Variants in RANBP2 observed in about 807,000 individuals in gnomAD.
The protein encoded by RANBP2 is RAN binding protein 2.
In RANBP2, 57 loss-of-function variants were observed where a neutral mutation model predicts 303.6. The observed-to-expected ratio is 0.19, with a 90% CI of 0.15 to 0.23. The LOEUF is 0.23. Among genes scored for constraint, RANBP2 ranks in the 10% least tolerant of loss-of-function variants. The probability of loss-of-function intolerance (pLI) is 1.00; values close to 1 mark genes in which losing one functional copy is unlikely to be tolerated. For missense variants in RANBP2, 3,138 were observed against 3,780.8 expected, an observed-to-expected ratio of 0.83 and a Z score of 4.46; for synonymous variants, 1,167 against 1,301.5, an observed-to-expected ratio of 0.90 and a Z score of 2.23.
the RANBP2 span, among the ~76,000 whole-genome samples, chr2:109,389,861 GCCTGGGCTGTGGCTGGGCCGGC>G: frequency 6.6e-6 from 1 of 152,190 alleles, no homozygotes; most frequent in African/African-American, 2.4e-5. Context: ...GAGCCCACCT[GCCTGGGCTGTGGCTGGGCCGGC>G]CCTGGGAGCT....
chr2:109,318,623 G>A, the RANBP2 span, among the ~76,000 whole-genome samples: 1 of 152,158 alleles, frequency 6.6e-6, no homozygotes, highest in African/African-American at 2.4e-5. Flanking sequence ...CTCACACTGG[G>A]GGCAGCATTT....
At chr2:109,127,048 C>T in the RANBP2 span, among the ~76,000 whole-genome samples, 1 of 152,168 alleles carries the variant, frequency 6.6e-6, no homozygotes, top group Non-Finnish European at 1.5e-5. Flanking sequence ...TGTGCCCTTC[C>T]TTCGGCCCTC....
the RANBP2 span, among the ~76,000 whole-genome samples, chr2:108,795,365 A>C: frequency 3.3e-5 from 5 of 152,050 alleles, no homozygotes; most frequent in African/African-American, 1.2e-4. Context: ...CATGTTGGCT[A>C]GGCTGGTCTT....
the RANBP2 span, among the ~76,000 whole-genome samples, chr2:109,312,225 C>A: frequency 6.6e-6 from 1 of 152,154 alleles, no homozygotes; most frequent in African/African-American, 2.4e-5. Flanking sequence ...ACAAAACACA[C>A]AAGGCCAGAG....
At chr2:109,642,757 T>C in the RANBP2 span, among the ~76,000 whole-genome samples, 37 of 152,220 alleles carry the variant, frequency 2.4e-4, no homozygotes, top group Admixed American at 5.2e-4. Flanking sequence ...TTTTTTAAGA[T>C]TGGAAGTGTT....
the RANBP2 span, among the ~76,000 whole-genome samples, chr2:109,448,070 C>G: frequency 6.6e-6 from 1 of 152,134 alleles, no homozygotes; most frequent in African/African-American, 2.4e-5. Context: ...ATGCTCAGCC[C>G]TCACTCTTGC....
the RANBP2 span, among the ~76,000 whole-genome samples, chr2:109,652,070 G>C: frequency 6.6e-6 from 1 of 152,204 alleles, no homozygotes; most frequent in Non-Finnish European, 1.5e-5. Flanking sequence ...GTGTGTGGCA[G>C]CTGCACGGTA....
chr2:109,714,788 T>A, the RANBP2 span, among the ~76,000 whole-genome samples: 1 of 151,882 alleles, frequency 6.6e-6, no homozygotes, highest in East Asian at 1.9e-4. Context: ...TATTGTAGTT[T>A]TAGCAGAGAC....
chr2:109,143,661 G>A, the RANBP2 span, among the ~76,000 whole-genome samples: 1 of 152,200 alleles, frequency 6.6e-6, no homozygotes, highest in Admixed American at 6.5e-5. Flanking sequence ...GGCTGAGGTA[G>A]GAGGATTTCT....
At chr2:109,118,979 G>C in the RANBP2 span, among the ~76,000 whole-genome samples, 1 of 152,166 alleles carries the variant, frequency 6.6e-6, no homozygotes, top group African/African-American at 2.4e-5. Context: ...GTTGAATGAG[G>C]GAAGTTTTAA....
the RANBP2 span, among the ~76,000 whole-genome samples, chr2:109,486,291 G>A: frequency 6.6e-6 from 1 of 152,096 alleles, no homozygotes; most frequent in Non-Finnish European, 1.5e-5. Flanking sequence ...CTTTGGGGGT[G>A]GGGCCCACAT....
At chr2:109,172,870 G>A in the RANBP2 span, among the ~76,000 whole-genome samples, 1 of 152,216 alleles carries the variant, frequency 6.6e-6, no homozygotes, top group East Asian at 1.9e-4. Context: ...GCTGAGTCCA[G>A]TATTTCTCTT....
the RANBP2 span, among the ~76,000 whole-genome samples, chr2:109,240,559 C>T: frequency 3.9e-5 from 6 of 152,154 alleles, no homozygotes; most frequent in South Asian, 2.1e-4. Context: ...GTAGCAGAGT[C>T]CCCTGGTGTG....
chr2:108,947,111 A>C, the RANBP2 span, among the ~76,000 whole-genome samples: 1 of 152,352 alleles, frequency 6.6e-6, no homozygotes, highest in African/African-American at 2.4e-5. Context: ...AAATTGGCCA[A>C]AACAAAGGGG....
chr2:109,122,144 C>T, the RANBP2 span, among the ~76,000 whole-genome samples: 6 of 152,162 alleles, frequency 3.9e-5, no homozygotes, highest in Non-Finnish European at 5.9e-5. Context: ...GGAGGGAACA[C>T]GCTTTTGTTG....
At chr2:109,247,964 C>T in the RANBP2 span, among the ~76,000 whole-genome samples, 1 of 152,132 alleles carries the variant, frequency 6.6e-6, no homozygotes, top group Non-Finnish European at 1.5e-5. Flanking sequence ...TTTTAAACCT[C>T]CATCTGCATC....
the RANBP2 span, among the ~76,000 whole-genome samples, chr2:108,806,701 G>A: frequency 6.6e-6 from 1 of 152,146 alleles, no homozygotes; most frequent in Non-Finnish European, 1.5e-5. Flanking sequence ...GCCAGCTCCT[G>A]GCTAGATGAA....
the RANBP2 span, among the ~76,000 whole-genome samples, chr2:109,640,659 C>T: frequency 2.0e-4 from 30 of 152,210 alleles, no homozygotes; most frequent in East Asian, 3.9e-3. Flanking sequence ...TTCTCAGCTC[C>T]GGACAGTGCC....
the RANBP2 span, among the ~76,000 whole-genome samples, chr2:109,478,884 G>A: frequency 6.6e-6 from 1 of 152,192 alleles, no homozygotes; most frequent in Non-Finnish European, 1.5e-5. Flanking sequence ...GTTTCTTTGT[G>A]AAACTCAGGG....
Sources: allele counts gnomAD v4.1 joint callset (sites outside exome capture counted in the v4.1 genomes callset), GRCh38; gene constraint gnomAD v4.1.1; transcripts MANE v1.5; gene names NCBI Gene and HGNC (gene_info 2026-07-23, HGNC 2026-07-21).